Variants in HDAC4 observed in about 807,000 individuals in gnomAD.
HDAC4 encodes histone deacetylase 4.
A neutral mutation model predicts 135.1 loss-of-function variants in HDAC4; 16 were observed. That is an observed-to-expected ratio of 0.12 (90% CI 0.08 to 0.18). The LOEUF (loss-of-function observed/expected upper bound fraction) is 0.18. Among genes scored for constraint, HDAC4 ranks in the 10% least tolerant of loss-of-function variants. HDAC4 has a pLI of 1.00. For missense variants in HDAC4, 1,143 were observed against 1,511.8 expected, an observed-to-expected ratio of 0.76 and a Z score of 4.05; for synonymous variants, 685 against 653.4, an observed-to-expected ratio of 1.05 and a Z score of -0.74.
At chr2:239,297,975 T>C (rs2052013852) in intron 2 of HDAC4, among the ~76,000 whole-genome samples, 1 of 152,054 alleles carries the variant, frequency 6.6e-6, no homozygotes, top group South Asian at 2.1e-4. Context: ...GCTAAGTGCC[T>C]CTGTCCCTAC....
At chr2:239,283,109 G>A (rs1051203761) in intron 2 of HDAC4, among the ~76,000 whole-genome samples, 3 of 152,236 alleles carry the variant, frequency 2.0e-5, no homozygotes, top group Admixed American at 6.5e-5. Flanking sequence ...AGTCAGCCAC[G>A]CATGCAGGAG....
chr2:239,105,845 AC>A (rs2038077995), intron 15 of HDAC4, among the ~76,000 whole-genome samples: 2 of 151,882 alleles, frequency 1.3e-5, no homozygotes, highest in African/African-American at 4.8e-5. Context: ...GAGGCCAGTG[AC>A]CCCTGGCAGG....
chr2:239,084,905 GCA>G (rs1302024732), intron 19 of HDAC4, among the ~76,000 whole-genome samples: 3 of 136,390 alleles, frequency 2.2e-5, no homozygotes, highest in African/African-American at 5.8e-5. Flanking sequence ...AGACACACAT[GCA>G]CAGATACACA....
intron 2 of HDAC4, among the ~76,000 whole-genome samples, chr2:239,238,375 C>T (rs1281757821): frequency 1.3e-5 from 2 of 151,920 alleles, no homozygotes; most frequent in African/African-American, 2.4e-5. Flanking sequence ...AGCAGAAGGC[C>T]CTTTTGAAGA....
At chr2:239,367,265 G>T (rs1180303685) in intron 1 of HDAC4, among the ~76,000 whole-genome samples, 1 of 152,174 alleles carries the variant, frequency 6.6e-6, no homozygotes, top group Non-Finnish European at 1.5e-5. Context: ...GAGAGCCGGT[G>T]TGAGAAGCAG....
chr2:239,272,652 G>A (rs1476430003), intron 2 of HDAC4, among the ~76,000 whole-genome samples: 1 of 152,202 alleles, frequency 6.6e-6, no homozygotes, highest in East Asian at 1.9e-4. Flanking sequence ...GGATCAAAAA[G>A]ATACAAGACC....
intron 21 of HDAC4, 130 bp from the exon 22 acceptor site, chr2:239,081,322 G>C (rs1574945773): frequency 1.3e-6 from 1 of 750,054 alleles, no homozygotes; most frequent in East Asian, 2.7e-5. Flanking sequence ...CACGTGTCCT[G>C]ATCTCCTGGT....
chr2:239,167,125 C>T lies in HDAC4; in HGVS notation c.491-3202G>A, dbSNP rs1047257433. ...CAGAGCAGGACAAGAAGCAGGTTCT[C>T]GGTGTGCGGGACGAGGACGCCCTCA... On this transcript the variant is annotated intron_variant, in intron 5 of 26. Coordinates refer to ENST00000543185, the MANE Select transcript of HDAC4 (RefSeq NM_001378414.1). The surrounding 1 kb of genome is among the most constrained non-coding windows in gnomAD (Gnocchi z 4.1). Among the ~76,000 whole-genome samples, 3 of 152,046 alleles carry T rather than the reference C, an allele frequency of 2.0e-5. No homozygotes were observed. Among genetic ancestry groups the T allele is most frequent in the African/African-American group, 7.2e-5 (3 of 41,392 alleles).
chr2:239,265,843 T>A (rs1484601758), intron 2 of HDAC4, among the ~76,000 whole-genome samples: 2 of 152,184 alleles, frequency 1.3e-5, no homozygotes, highest in Non-Finnish European at 2.9e-5. Context: ...TGGGGGTGAA[T>A]GGGAATGCGG....
chr2:239,226,247 G>T (rs1002614655), intron 3 of HDAC4, among the ~76,000 whole-genome samples: 2 of 152,060 alleles, frequency 1.3e-5, no homozygotes, highest in African/African-American at 4.8e-5. Context: ...TTGGCCACCA[G>T]TGACACTCCG....
chr2:239,102,924 C>A (rs1207132905), intron 15 of HDAC4, 28 bp from the exon 16 acceptor site: 1 of 1,613,488 alleles, frequency 6.2e-7, no homozygotes, highest in Non-Finnish European at 8.5e-7. Context: ...AGGACACTCA[C>A]ACGTTCTGCA....
chr2:239,321,251 G>A (rs2053297995), intron 2 of HDAC4, among the ~76,000 whole-genome samples: 1 of 152,108 alleles, frequency 6.6e-6, no homozygotes, highest in Non-Finnish European at 1.5e-5. Flanking sequence ...GGATCACGAG[G>A]TCAGGAGATC....
At chr2:239,097,986 A>T (rs1469018891) in intron 16 of HDAC4, among the ~76,000 whole-genome samples, 1 of 152,258 alleles carries the variant, frequency 6.6e-6, no homozygotes. Context: ...GCTCAGCTAT[A>T]TGAATTCACA....
At chr2:239,387,143 G>A (rs973334450) in intron 1 of HDAC4, among the ~76,000 whole-genome samples, 9 of 152,256 alleles carry the variant, frequency 5.9e-5, no homozygotes, top group African/African-American at 2.2e-4. Flanking sequence ...TGTGTGTTGA[G>A]GAGGAAGAAC....
chr2:239,372,221 A>G (rs1325581861), intron 1 of HDAC4, among the ~76,000 whole-genome samples: 28 of 152,174 alleles, frequency 1.8e-4, no homozygotes, highest in Non-Finnish European at 5.9e-5. Context: ...TGCCCGAGGC[A>G]GCAGGTGGGG....
intron 4 of HDAC4, 130 bp downstream of exon 4, chr2:239,189,703 A>T: frequency 2.4e-6 from 2 of 839,526 alleles, no homozygotes; most frequent in Non-Finnish European, 3.9e-6. Context: ...GTCCCAACGC[A>T]GAAGGCCTCC....
intron 7 of HDAC4, among the ~76,000 whole-genome samples, chr2:239,152,774 A>G (rs2042193889): frequency 6.6e-6 from 1 of 152,190 alleles, no homozygotes; most frequent in African/African-American, 2.4e-5. Flanking sequence ...CATGGAGGCA[A>G]GGAGGTGGGG....
chr2:239,060,494 G>A (rs908890771), intron 24 of HDAC4, among the ~76,000 whole-genome samples: 1 of 152,224 alleles, frequency 6.6e-6, no homozygotes, highest in Non-Finnish European at 1.5e-5. Context: ...AGGCAGATGC[G>A]GGGCTGCTCT....
chr2:239,312,546 A>G (rs538082624), intron 2 of HDAC4, among the ~76,000 whole-genome samples: 2 of 152,230 alleles, frequency 1.3e-5, no homozygotes, highest in Admixed American at 6.5e-5. Context: ...CCTCCATTCT[A>G]AAGCAAACGC....
Sources: gnomAD v4.1 joint callset for allele counts (sites outside exome capture counted in the v4.1 genomes callset) on GRCh38, gnomAD v4.1.1 for gene constraint, Gnocchi (gnomAD v3.1) non-coding constraint, MANE v1.5 for transcripts, NCBI Gene and HGNC (gene_info 2026-07-23, HGNC 2026-07-21) for gene names.